Variants in MAP3K5 observed in about 807,000 individuals in gnomAD.
MAP3K5 encodes the protein mitogen-activated protein kinase kinase kinase 5.
A neutral mutation model predicts 158.7 loss-of-function variants in MAP3K5; 56 were observed. That is an observed-to-expected ratio of 0.35 (90% CI 0.28 to 0.44). MAP3K5 has a LOEUF of 0.44. Among genes scored for constraint, MAP3K5 ranks in the 20% least tolerant of loss-of-function variants. The pLI is 1.00. For synonymous variants in MAP3K5, 579 were observed against 601.7 expected, an observed-to-expected ratio of 0.96 and a Z score of 0.55; for missense variants, 1,294 against 1,674.8, an observed-to-expected ratio of 0.77 and a Z score of 3.97.
chr6:136,789,012 G>A (rs1468780233), intron 1 of MAP3K5, among the ~76,000 whole-genome samples: 1 of 152,204 alleles, frequency 6.6e-6, no homozygotes, highest in Non-Finnish European at 1.5e-5. Flanking sequence ...ACTTAAAGAT[G>A]GGAGGCTGGG....
At chr6:136,764,986 T>C (rs944880193) in intron 1 of MAP3K5, among the ~76,000 whole-genome samples, 6 of 152,178 alleles carry the variant, frequency 3.9e-5, no homozygotes, top group Non-Finnish European at 8.8e-5. Context: ...CATGTGTGTT[T>C]TCAGGATCAT....
Position 136,617,264 on chromosome 6 carries a change from A to G in MAP3K5, c.2151-2978T>C, listed in dbSNP as rs1776605334. 2.0e-5 allele frequency among the ~76,000 whole-genome samples: 3 copies of G among 152,222 alleles called. No homozygotes were observed. In the South Asian group the frequency reaches 6.2e-4, roughly 32 times the overall value. On this transcript the variant is annotated intron_variant, in intron 15 of 29. Coordinates refer to ENST00000359015, the MANE Select transcript of MAP3K5 (RefSeq NM_005923.4). ...TAAGTGTAAGTGCCAAGCATTAAAC[A>G]AGGATGGAATTATAATTTGTTCACA... is the stretch of plus-strand genomic sequence containing the variant.
At chr6:136,763,326 C>T (rs1347936493) in intron 1 of MAP3K5, among the ~76,000 whole-genome samples, 1 of 152,156 alleles carries the variant, frequency 6.6e-6, no homozygotes, top group Admixed American at 6.5e-5. Context: ...TTGTTCATTG[C>T]CTTCTCTACT....
intron 11 of MAP3K5, among the ~76,000 whole-genome samples, chr6:136,645,166 C>A (rs1418046366): frequency 6.6e-6 from 1 of 152,170 alleles, no homozygotes; most frequent in Non-Finnish European, 1.5e-5. Flanking sequence ...CTCCTGGCCT[C>A]AAGCAATCCT....
chr6:136,596,087 G>A (rs942624385), intron 21 of MAP3K5, among the ~76,000 whole-genome samples: 2 of 152,106 alleles, frequency 1.3e-5, no homozygotes, highest in Admixed American at 1.3e-4. Context: ...GGCTGGAGAT[G>A]GTATTTAAAG....
chr6:136,766,925 G>A (rs1453952602), intron 1 of MAP3K5, among the ~76,000 whole-genome samples: 1 of 152,094 alleles, frequency 6.6e-6, no homozygotes, highest in Non-Finnish European at 1.5e-5. Context: ...AAATTAGGAA[G>A]TTTCATTAGA....
At chr6:136,672,418 C>G (rs1163058355) in intron 7 of MAP3K5, among the ~76,000 whole-genome samples, 15 of 152,160 alleles carry the variant, frequency 9.9e-5, no homozygotes, top group Non-Finnish European at 2.9e-5. Context: ...TTGGGCTTGG[C>G]ATGGGCAGAG....
At chr6:136,621,776 T>C (rs1776813651) in intron 15 of MAP3K5, among the ~76,000 whole-genome samples, 1 of 152,210 alleles carries the variant, frequency 6.6e-6, no homozygotes, top group South Asian at 2.1e-4. Context: ...AAGAACAGAA[T>C]GCTTCAGCGT....
chr6:136,727,061 CAT>C (rs1012879014), intron 1 of MAP3K5, among the ~76,000 whole-genome samples: 7 of 152,066 alleles, frequency 4.6e-5, no homozygotes, highest in African/African-American at 1.4e-4. Context: ...CTAAAGAAAA[CAT>C]TATCTGTGGC....
chr6:136,559,485 T>C lies in MAP3K5; in HGVS notation c.3988-609A>G, dbSNP rs79436883. ...CTAATGAACAGATGAGACTCACTTG[T>C]AATCACTCTGCTGTTCAAAAGCAAA... On this transcript the variant is annotated intron_variant, in intron 28 of 29. Coordinates refer to ENST00000359015, the MANE Select transcript of MAP3K5 (RefSeq NM_005923.4). 4.8e-3 allele frequency among the ~76,000 whole-genome samples: 734 copies of C among 152,378 alleles called. 4 individuals are homozygous for C. Among genetic ancestry groups the C allele is most frequent in the East Asian group, 0.04 (210 of 5,194 alleles).
In MAP3K5 at chr6:136,580,307, C is replaced by T; in HGVS notation, c.3511G>A (p.Val1171Ile). 1 of 1,606,562 alleles carries T rather than the reference C, an allele frequency of 6.2e-7. No homozygotes were observed. The highest frequency in any genetic ancestry group is 8.5e-7 in the Non-Finnish European group (1 of 1,173,316). Residue 1171 changes from valine (V) to isoleucine (I), a missense_variant, in exon 25 of 30, where the codon GTT becomes ATT. Val to Ile is a conservative substitution (Grantham distance 29). Coordinates refer to ENST00000359015, the MANE Select transcript of MAP3K5 (RefSeq NM_005923.4). The stretch of plus-strand genomic sequence containing the variant: ...GTAATTAAATATCTCTGACCTGGAA[C>T]CAGGATGGTAATGGCTGTCTGTACC... ...KAVQTAITIL[V>I]PELRPHFSLA...
chr6:136,768,699 A>C lies in MAP3K5; in HGVS notation c.448+23011T>G, dbSNP rs568592525. Reference sequence around the variant, plus strand: ...GAGGCCAAGGTGGGTGTATCACTTGAGGTCAGGGGTTCGAGACCAGCTTAG... The same window carrying C: ...GAGGCCAAGGTGGGTGTATCACTTGCGGTCAGGGGTTCGAGACCAGCTTAG... On this transcript the variant is annotated intron_variant, in intron 1 of 29. Coordinates refer to ENST00000359015, the MANE Select transcript of MAP3K5 (RefSeq NM_005923.4). 2.6e-5 allele frequency among the ~76,000 whole-genome samples: 4 copies of C among 152,212 alleles called. No individual in the cohort carries two copies. In the South Asian group the frequency reaches 8.3e-4, roughly 32 times the overall value.
intron 1 of MAP3K5, among the ~76,000 whole-genome samples, chr6:136,735,744 G>C (rs1782429214): frequency 6.6e-6 from 1 of 152,118 alleles, no homozygotes; most frequent in Non-Finnish European, 1.5e-5. Flanking sequence ...CAGGAGGATG[G>C]CTTGGGCCCG....
intron 1 of MAP3K5, among the ~76,000 whole-genome samples, chr6:136,726,013 C>G (rs1781949277): frequency 6.6e-6 from 1 of 152,190 alleles, no homozygotes; most frequent in Non-Finnish European, 1.5e-5. Context: ...TTTCATTAAT[C>G]TATGTGTTTA....
chr6:136,571,271 G>A (rs775245353), intron 25 of MAP3K5, among the ~76,000 whole-genome samples: 19 of 152,208 alleles, frequency 1.2e-4, no homozygotes, highest in Admixed American at 4.6e-4. Context: ...TCCAATGTCC[G>A]TGTACCTTAT....
At chr6:136,591,619 G>T (rs1305231918) in intron 23 of MAP3K5, among the ~76,000 whole-genome samples, 1 of 152,196 alleles carries the variant, frequency 6.6e-6, no homozygotes, top group Non-Finnish European at 1.5e-5. Flanking sequence ...AACTGGTTTG[G>T]TTATATGTAA....
intron 1 of MAP3K5, among the ~76,000 whole-genome samples, chr6:136,768,103 T>G (rs1352391011): frequency 6.6e-6 from 1 of 152,200 alleles, no homozygotes. Context: ...TATCTAACTC[T>G]TAGAAGAAAA....
At chr6:136,773,621 A>G (rs529658512) in intron 1 of MAP3K5, among the ~76,000 whole-genome samples, 88 of 151,386 alleles carry the variant, frequency 5.8e-4, no homozygotes, top group African/African-American at 2.1e-3. Flanking sequence ...TCCTTTGCCC[A>G]TTTTTTGTTG....
chr6:136,761,251 C>G (rs939732519), intron 1 of MAP3K5, among the ~76,000 whole-genome samples: 4 of 143,118 alleles, frequency 2.8e-5, no homozygotes, highest in Non-Finnish European at 6.0e-5. Flanking sequence ...CATGTGAGCA[C>G]TACGGGCACA....
Sources: gnomAD v4.1 joint callset for allele counts (sites outside exome capture counted in the v4.1 genomes callset) on GRCh38, gnomAD v4.1.1 for gene constraint, MANE v1.5 for transcripts, NCBI Gene and HGNC (gene_info 2026-07-23, HGNC 2026-07-21) for gene names.